The following NCOA2 variants were observed in gnomAD, a reference collection of about 807,000 sequenced individuals.
NCOA2 encodes the protein class E basic helix-loop-helix protein 75.
NCOA2 carries 21 observed loss-of-function variants against 145.1 expected under a neutral mutation model. The observed-to-expected ratio is 0.14, with a 90% CI of 0.10 to 0.21. The LOEUF (loss-of-function observed/expected upper bound fraction) is 0.21, where lower values mean the gene tolerates loss of function less well. NCOA2 is among the 10% of genes least tolerant of loss of function. The probability of loss-of-function intolerance (pLI) is 1.00; values close to 1 mark genes in which losing one functional copy is unlikely to be tolerated. For synonymous variants in NCOA2, 619 were observed against 637.5 expected (o/e 0.97, Z 0.44); for missense variants, 1,472 against 1,837.6 (o/e 0.80, Z 3.64).
chr8:70,352,585 C>T (rs1209493025), intron 1 of NCOA2, among the ~76,000 whole-genome samples: 1 of 152,124 alleles, frequency 6.6e-6, no homozygotes, highest in Non-Finnish European at 1.5e-5. Context: ...CATTCATTGA[C>T]TGCCTATTAT....
chr8:70,440,668 A>G, the NCOA2 span, among the ~76,000 whole-genome samples: 1 of 151,476 alleles, frequency 6.6e-6, no homozygotes, highest in Non-Finnish European at 1.5e-5. Flanking sequence ...AAAGAGGGAG[A>G]GAGAGAAAGA....
At chr8:70,360,942 C>CA (rs1213854420) in intron 1 of NCOA2, among the ~76,000 whole-genome samples, 8,356 of 54,624 alleles carry the variant, frequency 0.15, 435 homozygotes, top group East Asian at 0.3. Flanking sequence ...GATTCCAGCT[C>CA]AAAAAAAAAA....
intron 2 of NCOA2, among the ~76,000 whole-genome samples, chr8:70,251,225 T>A (rs745494420): frequency 6.6e-6 from 1 of 152,186 alleles, no homozygotes; most frequent in Non-Finnish European, 1.5e-5. Flanking sequence ...GGACTGCTAT[T>A]TTGTTGGGTT....
the NCOA2 span, among the ~76,000 whole-genome samples, chr8:70,415,926 T>C: frequency 1.3e-5 from 2 of 152,226 alleles, no homozygotes; most frequent in African/African-American, 4.8e-5. Context: ...GTATTTCTTC[T>C]TTATGATATT....
intron 2 of NCOA2, among the ~76,000 whole-genome samples, chr8:70,238,053 A>G (rs918757310): frequency 2.0e-5 from 3 of 152,198 alleles, no homozygotes; most frequent in Admixed American, 1.3e-4. Context: ...AAAATTAAAC[A>G]TATGTGATTA....
chr8:70,117,701 G>T (rs1307377244), intron 22 of NCOA2, among the ~76,000 whole-genome samples: 1 of 152,160 alleles, frequency 6.6e-6, no homozygotes, highest in Non-Finnish European at 1.5e-5. Context: ...ATGCATATTT[G>T]GGGTCAGCCG....
chr8:70,188,921 T>C lies in NCOA2; in HGVS notation c.260-14062A>G, dbSNP rs183264168. ...AAATCAAAGTCAGTATTAACAGTAATAAAATTTCTTCAGTTATCAATGATA... is the reference window on the plus strand; with the variant it reads ...AAATCAAAGTCAGTATTAACAGTAACAAAATTTCTTCAGTTATCAATGATA... On this transcript the variant is annotated intron_variant, in intron 4 of 22. Coordinates refer to ENST00000452400, the MANE Select transcript of NCOA2 (RefSeq NM_006540.4). Among the ~76,000 whole-genome samples, 4 of 152,276 alleles carry C rather than the reference T, an allele frequency of 2.6e-5. No homozygotes were observed. In the East Asian group the frequency reaches 7.7e-4, roughly 29 times the overall value.
intron 11 of NCOA2, among the ~76,000 whole-genome samples, chr8:70,151,644 A>G (rs1811761877): frequency 6.6e-6 from 1 of 152,188 alleles, no homozygotes. Context: ...AAAAGGAACT[A>G]GTTCTATGAA....
chr8:70,218,347 G>T (rs1252974295), intron 2 of NCOA2, among the ~76,000 whole-genome samples: 1 of 152,066 alleles, frequency 6.6e-6, no homozygotes, highest in African/African-American at 2.4e-5. Flanking sequence ...CAAGCTTCTT[G>T]CTGGTTAGAG....
At position 70,155,988 on chromosome 8, in the gene NCOA2, A is replaced by C; in HGVS notation, c.2377T>G (p.Phe793Val). ...AAACTTACCTGGTCACCAGGCTCAA[A>C]GCTCATCTCCTCCTTCTCAGTTTTC... ...AMKTEKEEMS[F>V]EPGDQPGSEL... Residue 793 changes from phenylalanine (F) to valine (V), a missense_variant, in exon 11 of 23, where the codon TTT becomes GTT. By Grantham distance (50) the Phe-to-Val change is conservative. Transcript: ENST00000452400. The C allele has an allele frequency of 6.3e-7, 1 of 1,581,984 alleles. No individual in the cohort carries two copies. The highest frequency in any genetic ancestry group is 8.6e-7 in the Non-Finnish European group (1 of 1,166,198).
chr8:70,301,838 C>T (rs1196785513), intron 1 of NCOA2, among the ~76,000 whole-genome samples: 2 of 151,918 alleles, frequency 1.3e-5, no homozygotes, highest in African/African-American at 4.8e-5. Flanking sequence ...CCACCTTAAT[C>T]AAGCCAGCCA....
intron 11 of NCOA2, among the ~76,000 whole-genome samples, chr8:70,153,938 A>G (rs1301539587): frequency 6.6e-6 from 1 of 152,220 alleles, no homozygotes; most frequent in African/African-American, 2.4e-5. Flanking sequence ...GAAAAATTGT[A>G]TCCGACCTTT....
At chr8:70,315,318 A>G (rs1017507692) in intron 1 of NCOA2, among the ~76,000 whole-genome samples, 1 of 152,178 alleles carries the variant, frequency 6.6e-6, no homozygotes, top group African/African-American at 2.4e-5. Context: ...AACAAAACAA[A>G]CAGAATAACC....
chr8:70,163,060 G>A (rs948425477), intron 8 of NCOA2, among the ~76,000 whole-genome samples: 8 of 151,766 alleles, frequency 5.3e-5, no homozygotes, highest in Admixed American at 1.3e-4. Context: ...GATTACAGGC[G>A]TGTACCACCA....
intron 4 of NCOA2, among the ~76,000 whole-genome samples, chr8:70,196,209 CCACTA>C (rs1817292756): frequency 6.6e-6 from 1 of 152,026 alleles, no homozygotes; most frequent in Non-Finnish European, 1.5e-5. Context: ...AACCCCGTCT[CCACTA>C]AAGATACAAA....
At chr8:70,259,248 T>G (rs1254953997) in intron 2 of NCOA2, among the ~76,000 whole-genome samples, 3 of 152,310 alleles carry the variant, frequency 2.0e-5, no homozygotes, top group East Asian at 1.9e-4. Flanking sequence ...TGGACTACGC[T>G]GACAGAGCCT....
At chr8:70,155,193 A>G (rs1812146055) in intron 11 of NCOA2, among the ~76,000 whole-genome samples, 1 of 152,224 alleles carries the variant, frequency 6.6e-6, no homozygotes, top group Non-Finnish European at 1.5e-5. Flanking sequence ...GCTCAGACGT[A>G]CTAATATCAG....
intron 2 of NCOA2, among the ~76,000 whole-genome samples, chr8:70,233,620 T>A (rs1446644557): frequency 6.6e-6 from 1 of 152,210 alleles, no homozygotes; most frequent in East Asian, 1.9e-4. Context: ...ATACTGTATG[T>A]TGTTACCAAA....
At chr8:70,138,873 G>C (rs1316143204) in intron 14 of NCOA2, among the ~76,000 whole-genome samples, 2 of 152,254 alleles carry the variant, frequency 1.3e-5, no homozygotes, top group African/African-American at 4.8e-5. Flanking sequence ...ATATCATATA[G>C]CATGTAAAAT....
Sources: gnomAD v4.1 joint callset for allele counts (sites outside exome capture counted in the v4.1 genomes callset) on GRCh38, gnomAD v4.1.1 for gene constraint, MANE v1.5 for transcripts, NCBI Gene and HGNC (gene_info 2026-07-23, HGNC 2026-07-21) for gene names.